Variants in IFRD2 observed in about 807,000 individuals in gnomAD.
IFRD2 encodes interferon-related developmental regulator 2.
Under a neutral mutation model 49.2 loss-of-function variants are expected in IFRD2, and 35 were observed. That is an observed-to-expected ratio of 0.71 (90% CI 0.54 to 0.94). IFRD2 has a LOEUF of 0.94. Among genes scored for constraint, IFRD2 ranks in the 40% least tolerant of loss-of-function variants. The pLI, the probability that IFRD2 is intolerant of heterozygous loss-of-function variation, is 0.00. For synonymous variants in IFRD2, 275 were observed against 239.7 expected, an observed-to-expected ratio of 1.15 and a Z score of -1.36; for missense variants, 561 against 591.6, an observed-to-expected ratio of 0.95 and a Z score of 0.54.
Position 50,288,248 on chromosome 3 carries a change from G to A in IFRD2, c.1272C>T (p.Phe424=). The A allele has an allele frequency of 6.2e-7, 1 of 1,613,954 alleles. No homozygotes were observed. The highest frequency in any genetic ancestry group is 8.5e-7 in the Non-Finnish European group (1 of 1,179,858). The change falls in exon 12 of 12, where the codon TTC becomes TTT. Residue 424 remains phenylalanine, a synonymous_variant. Coordinates refer to ENST00000417626, the MANE Select transcript of IFRD2 (RefSeq NM_006764.5). ...GGCTTCGAGCCTTGGTCCGGGCTTTGAAGGCAGCAGCATTGTACAGGTGCT... is the reference window on the plus strand; with the variant it reads ...GGCTTCGAGCCTTGGTCCGGGCTTTAAAGGCAGCAGCATTGTACAGGTGCT... ...FEKHLYNAAA[F]KARTKARSRV...
chr3:50,288,212 G>C lies in IFRD2; in HGVS notation c.1308C>G (p.Asp436Glu), dbSNP rs782730714. The C allele has an allele frequency of 6.2e-7, 1 of 1,613,870 alleles. No homozygotes were observed. The highest frequency in any genetic ancestry group is 8.5e-7 in the Non-Finnish European group (1 of 1,179,806). Residue 436 changes from aspartate to glutamate, a missense_variant, in exon 12 of 12, where the codon GAC (aspartate) becomes GAG (glutamate). Asp to Glu is a conservative substitution (Grantham distance 45). Coordinates refer to ENST00000417626, the MANE Select transcript of IFRD2 (RefSeq NM_006764.5). The part of the protein sequence containing the change: ...ARTKARSRVR[D>E]KRADIL ...TGCTTCACAGGATGTCTGCCCGCTT[G>C]TCCCGCACACGGCTTCGAGCCTTGG... is the stretch of plus-strand genomic sequence containing the variant.
At position 50,289,948 on chromosome 3, in the gene IFRD2, C is replaced by A; in HGVS notation, c.527G>T (p.Ser176Ile). The A allele has an allele frequency of 6.2e-7, 1 of 1,613,144 alleles. No homozygotes were observed. Among genetic ancestry groups the A allele is most frequent in the South Asian group, 1.1e-5 (1 of 90,914 alleles). Residue 176 changes from serine to isoleucine, a missense_variant, in exon 5 of 12, where the codon AGC becomes ATC. Transcript: ENST00000417626. ...ACTCACGTGGAGCCGGGCAGCAGGG[C>A]TAGCTGTGCTGTCACTGAGCACAGA... ...LVSVLSDSTA[S>I]PAARLHCASA...
intron 5 of IFRD2, 31 bp downstream of exon 5, chr3:50,289,898 G>T (rs782102052): frequency 1.2e-6 from 2 of 1,611,740 alleles, no homozygotes; most frequent in Non-Finnish European, 8.5e-7. Flanking sequence ...TAAGGTGCAG[G>T]AAGGGTTTCA....
At position 50,288,907 on chromosome 3, in the gene IFRD2, G is replaced by A. The variant is rs1553709125; in HGVS notation, c.916C>T (p.Leu306Phe). The A allele has an allele frequency of 1.2e-6, 2 of 1,613,126 alleles. No homozygotes were observed. The highest frequency in any genetic ancestry group is 1.7e-5 in the Admixed American group (1 of 59,874). Residue 306 changes from leucine to phenylalanine, a missense_variant, in exon 9 of 12, where the codon CTC (leucine) becomes TTC (phenylalanine). Transcript: ENST00000417626. ...EEFVYEDMEA[L>F]CSVLRTLATD... ...GCCAGAGTGCGCAGGACACTGCAGAGGGCCTCCATGTCCTCGTAAACAAAC... is the reference window on the plus strand; with the variant it reads ...GCCAGAGTGCGCAGGACACTGCAGAAGGCCTCCATGTCCTCGTAAACAAAC...
rs782005901 is a variant in IFRD2 at position 50,292,284 on chromosome 3, CGGGCGCGGG to C, written c.-19_-11del. ...TACGGGCGCGAGGCATGCCGGGAAC[CGGGCGCGGG>C]GGGCGCGGGGTCAGGGACCCGGTGG... On this transcript the variant is annotated 5_prime_UTR_variant, in exon 1 of 12. Coordinates refer to ENST00000417626, the MANE Select transcript of IFRD2 (RefSeq NM_006764.5). The C allele has an allele frequency of 3.2e-6, 5 of 1,553,674 alleles. No individual in the cohort carries two copies. The highest frequency in any genetic ancestry group is 2.4e-5 in the South Asian group (2 of 83,412).
In IFRD2 at chr3:50,292,341, A is replaced by C. The variant is rs782505464; in HGVS notation, c.-67T>G. 1 of 1,565,802 alleles carries C rather than the reference A, an allele frequency of 6.4e-7. No homozygotes were observed. Among genetic ancestry groups the C allele is most frequent in the South Asian group, 1.2e-5 (1 of 86,492 alleles). On this transcript the variant is annotated 5_prime_UTR_variant, in exon 1 of 12. Transcript: ENST00000417626. ...TGGGTGTGGGCTCCAGGCCAACGAG[A>C]CGCCGGCCGGTGCGCTGCGCTGAGA...
chr3:50,289,120 G>A, intron 8 of IFRD2, 135 bp downstream of exon 8: 2 of 1,153,144 alleles, frequency 1.7e-6, no homozygotes, highest in Non-Finnish European at 2.5e-6. Context: ...ATGACATCTA[G>A]GAGATAAATC....
rs782324915 is a variant in IFRD2 at position 50,292,415 on chromosome 3, G to A, written c.-141C>T. The stretch of plus-strand genomic sequence containing the variant: ...ACGCCACGCGCGCCACCATCTTCGC[G>A]AGGCGCCCCGCCCTGCCAAACAGGT... On this transcript the variant is annotated 5_prime_UTR_variant, in exon 1 of 12. Transcript: ENST00000417626. 1 of 1,596,504 alleles carries A rather than the reference G, an allele frequency of 6.3e-7. No individual in the cohort carries two copies. Among genetic ancestry groups the A allele is most frequent in the Admixed American group, 1.7e-5 (1 of 59,192 alleles).
chr3:50,289,145 C>A, intron 8 of IFRD2, 110 bp downstream of exon 8: 1 of 1,180,694 alleles, frequency 8.5e-7, no homozygotes, highest in South Asian at 1.4e-5. Context: ...TTGGGGCCAC[C>A]TCCTCTGCAT....
Position 50,290,427 on chromosome 3 carries a change from T to A in IFRD2, c.224A>T (p.Glu75Val). The change falls in exon 3 of 12, where the codon GAA (glutamate) becomes GTA (valine). Residue 75 changes from glutamate (E) to valine (V), a missense_variant. Physicochemically the swap from Glu to Val is moderately radical, Grantham distance 121 (BLOSUM62 -2). Coordinates refer to ENST00000417626, the MANE Select transcript of IFRD2 (RefSeq NM_006764.5). ...ACAGTCCACATACTCCTTCAGCTTTTCCTCAAGGTCTTCCTGCTGGCCCTG... is the reference window on the plus strand; with the variant it reads ...ACAGTCCACATACTCCTTCAGCTTTACCTCAAGGTCTTCCTGCTGGCCCTG... ...DEQGQQEDLE[E>V]KLKEYVDCLT... 6.3e-7 allele frequency: 1 copy of A among 1,578,734 alleles called. No homozygotes were observed. The highest frequency in any genetic ancestry group is 1.2e-5 in the South Asian group (1 of 86,716).
At chr3:50,291,007 CT>C (rs11306616) in intron 1 of IFRD2, among the ~76,000 whole-genome samples, 43,955 of 94,394 alleles carry the variant, frequency 0.47, 9,091 homozygotes, top group Non-Finnish European at 0.55. Flanking sequence ...TCCCCGCCAC[CT>C]TTTTTTTTTT....
In IFRD2 at chr3:50,288,401, G is replaced by A. The variant is rs116064489; in HGVS notation, c.1248+8C>T. The stretch of plus-strand genomic sequence containing the variant: ...AGGGGGAAGAGAAAGGTGCCCAAGG[G>A]TGCAAACCTTCTCAAAGCGTGGAAC... On this transcript the variant is annotated splice_region_variant and intron_variant, in intron 11 of 11. Coordinates refer to ENST00000417626, the MANE Select transcript of IFRD2 (RefSeq NM_006764.5). 5.7e-3 allele frequency: 9,177 copies of A among 1,611,258 alleles called. 45 individuals carry two copies. Among genetic ancestry groups the A allele is most frequent in the Admixed American group, 7.4e-3 (442 of 59,390 alleles).
In IFRD2 at chr3:50,288,400, G is replaced by A. The variant is rs782670258; in HGVS notation, c.1248+9C>T. 6.2e-7 allele frequency: 1 copy of A among 1,611,132 alleles called. No homozygotes were observed. Among genetic ancestry groups the A allele is most frequent in the South Asian group, 1.1e-5 (1 of 90,704 alleles). Reference sequence around the variant, plus strand: ...TAGGGGGAAGAGAAAGGTGCCCAAGGGTGCAAACCTTCTCAAAGCGTGGAA... The same window carrying A: ...TAGGGGGAAGAGAAAGGTGCCCAAGAGTGCAAACCTTCTCAAAGCGTGGAA... On this transcript the variant is annotated intron_variant, in intron 11 of 11. Coordinates refer to ENST00000417626, the MANE Select transcript of IFRD2 (RefSeq NM_006764.5).
chr3:50,289,233 C>T (rs1318391041), intron 8 of IFRD2, 22 bp downstream of exon 8: 1 of 1,546,816 alleles, frequency 6.5e-7, no homozygotes, highest in Non-Finnish European at 8.8e-7. Context: ...CACCAAGCAC[C>T]CCCCATCCTT....
At chr3:50,288,965 G>A in intron 8 of IFRD2, 28 bp from the exon 9 acceptor site, 1 of 1,606,278 alleles carries the variant, frequency 6.2e-7, no homozygotes, top group Non-Finnish European at 8.5e-7. Context: ...GAGGGTGTGT[G>A]GTAGATGCTT....
chr3:50,288,777 G>A (rs781802317), intron 9 of IFRD2, 23 bp downstream of exon 9: 5 of 1,612,710 alleles, frequency 3.1e-6, no homozygotes, highest in Non-Finnish European at 4.2e-6. Flanking sequence ...CCCTTGCTAG[G>A]ACACATATGT....
chr3:50,290,282 C>A lies in IFRD2; in HGVS notation c.276G>T (p.Arg92=), dbSNP rs1329889140. ...DCLTDKSAKT[R]QGALESLRLA... ...GGCGCAGGCTCTCAAGAGCACCCTG[C>A]CGGGTCTTGGCACTGGGGGAGGTCG... The change falls in exon 4 of 12, where the codon CGG becomes CGT. Residue 92 remains arginine, a synonymous_variant. Coordinates refer to ENST00000417626, the MANE Select transcript of IFRD2 (RefSeq NM_006764.5). 6.2e-7 allele frequency: 1 copy of A among 1,610,856 alleles called. No homozygotes were observed. Among genetic ancestry groups the A allele is most frequent in the African/African-American group, 1.3e-5 (1 of 74,898 alleles).
At chr3:50,289,418 TC>T in intron 7 of IFRD2, 28 bp downstream of exon 7, 1 of 1,567,596 alleles carries the variant, frequency 6.4e-7, no homozygotes, top group Non-Finnish European at 8.6e-7. Flanking sequence ...TGAGATCCCC[TC>T]CCCCTCCCAG....
rs782279131 is a variant in IFRD2 at position 50,290,241 on chromosome 3, C to A, written c.317G>T (p.Arg106Leu). The A allele has an allele frequency of 1.2e-6, 2 of 1,613,044 alleles. No individual in the cohort carries two copies. Among genetic ancestry groups the A allele is most frequent in the East Asian group, 4.5e-5 (2 of 44,842 alleles). ...LESLRLALAS[R>L]LLPDFLLERR... ...CTCCAGCAAGAAGTCGGGGAGTAGG[C>A]GGGACGCTAGGGCCAGGCGCAGGCT... is the stretch of plus-strand genomic sequence containing the variant. The change falls in exon 4 of 12, where the codon CGC (arginine) becomes CTC (leucine). Residue 106 changes from arginine to leucine, a missense_variant. Transcript: ENST00000417626.
Sources: gnomAD v4.1 joint callset for allele counts (sites outside exome capture counted in the v4.1 genomes callset) on GRCh38, gnomAD v4.1.1 for gene constraint, MANE v1.5 for transcripts, NCBI Gene and HGNC (gene_info 2026-07-23, HGNC 2026-07-21) for gene names.